Variants in H2AC8 observed in about 807,000 individuals in gnomAD.
H2AC8 encodes the protein H2A clustered histone 8, also known as histone H2A type 1-B/E.
H2AC8 carries 9 observed loss-of-function variants against 6.3 expected under a neutral mutation model. That is an observed-to-expected ratio of 1.43 (90% CI 0.86 to 2.49). H2AC8 has a LOEUF of 2.49. H2AC8 is among the 30% of genes most tolerant of loss of function. H2AC8 has a pLI of 0.00. For missense variants in H2AC8, 141 were observed against 177.5 expected (o/e 0.79, Z 1.17); for synonymous variants, 176 against 79.6 (o/e 2.21, Z -6.45).
chr6:26,217,190 C>A, exon 1 of H2AC8: 1 of 1,614,182 alleles, frequency 6.2e-7, no homozygotes. Flanking sequence ...ACGCGGCTCG[C>A]GACAATAAGA....
At chr6:26,217,145 A>G (rs762820945) in exon 1 of H2AC8, 2 of 1,614,192 alleles carry the variant, frequency 1.2e-6, no homozygotes, top group Non-Finnish European at 1.7e-6. Context: ...CGGTGCTGGA[A>G]TATCTGACGG....
exon 1 of H2AC8, chr6:26,217,351 A>C: frequency 6.2e-7 from 1 of 1,613,586 alleles, no homozygotes; most frequent in Non-Finnish European, 8.5e-7. Context: ...AGCCACCATA[A>C]GGCCAAGGGC....
chr6:26,216,999 G>A (rs1294410701), exon 1 of H2AC8: 11 of 1,614,036 alleles, frequency 6.8e-6, no homozygotes, highest in Non-Finnish European at 9.3e-6. Flanking sequence ...AAAGCAAGGC[G>A]GCAAAGCTCG....
upstream of H2AC8, chr6:26,216,937 C>A: frequency 6.2e-7 from 1 of 1,608,652 alleles, no homozygotes; most frequent in Non-Finnish European, 8.5e-7. Context: ...TTTCTTTATT[C>A]AGTGGATTGT....
upstream of H2AC8, chr6:26,216,970 C>G (rs372832934): frequency 2.0e-5 from 33 of 1,613,932 alleles, no homozygotes; most frequent in Non-Finnish European, 2.8e-5. Context: ...TGTTAGGAAG[C>G]CACTATGTCT....
At chr6:26,217,088 C>T (rs1284615058) in exon 1 of H2AC8, 8 of 1,614,186 alleles carry the variant, frequency 5.0e-6, no homozygotes, top group Non-Finnish European at 5.9e-6. Context: ...TCCGCAAAGG[C>T]AACTACTCCG....
exon 1 of H2AC8, chr6:26,217,408 G>C: frequency 6.3e-7 from 1 of 1,591,448 alleles, no homozygotes; most frequent in Non-Finnish European, 8.5e-7. Context: ...CCGAGTCCCA[G>C]AAACCAAAGG....
chr6:26,217,371 G>GAT, exon 1 of H2AC8: 1 of 1,610,902 alleles, frequency 6.2e-7, no homozygotes, highest in South Asian at 1.1e-5. Context: ...CAAGTGAAAT[G>GAT]ATTACTAGTC....
At chr6:26,217,095 T>A in exon 1 of H2AC8, 2 of 1,614,150 alleles carry the variant, frequency 1.2e-6, no homozygotes, top group Non-Finnish European at 1.7e-6. Context: ...AGGCAACTAC[T>A]CCGAACGAGT....
chr6:26,216,950 GTTC>G (rs1453184768), upstream of H2AC8: 34 of 1,613,088 alleles, frequency 2.1e-5, no homozygotes, highest in Middle Eastern at 1.6e-4. Flanking sequence ...TGGATTGTTA[GTTC>G]TTCTGCTGTT....
chr6:26,217,210 T>C (rs1335178917), exon 1 of H2AC8: 6 of 1,614,146 alleles, frequency 3.7e-6, no homozygotes, highest in Non-Finnish European at 5.1e-6. Flanking sequence ...AAGACCCGCA[T>C]CATCCCGCGC....
exon 1 of H2AC8, chr6:26,217,266 C>T (rs1440680789): frequency 4.3e-6 from 7 of 1,614,234 alleles, no homozygotes; most frequent in South Asian, 1.1e-5. Flanking sequence ...AAATAAGCTT[C>T]TAGGTCGCGT....
exon 1 of H2AC8, chr6:26,217,190 C>T: frequency 1.9e-6 from 3 of 1,614,182 alleles, no homozygotes; most frequent in Non-Finnish European, 2.5e-6. Context: ...ACGCGGCTCG[C>T]GACAATAAGA....
At position 26,217,304 on chromosome 6, in the gene H2AC8, C is replaced by G. The variant is rs16891432; in HGVS notation, c.330C>G (p.Pro110=). Residue 110 remains proline (P), a synonymous_variant, in exon 1 of 1, where the codon CCC becomes CCG. Coordinates refer to ENST00000303910, the Ensembl canonical transcript of H2AC8. Reference sequence around the variant, plus strand: ...CCATCGCGCAGGGCGGTGTCCTGCCCAACATCCAGGCCGTATTGCTGCCTA... The same window carrying G: ...CCATCGCGCAGGGCGGTGTCCTGCCGAACATCCAGGCCGTATTGCTGCCTA... 27 of 1,614,204 alleles carry G rather than the reference C, an allele frequency of 1.7e-5. No individual in the cohort carries two copies. In the East Asian group the frequency reaches 5.6e-4, roughly 33 times the overall value.
At chr6:26,216,924 C>G (rs775704466), upstream of H2AC8, 22 of 1,598,478 alleles carry the variant, frequency 1.4e-5, no homozygotes, top group Non-Finnish European at 1.8e-5. Flanking sequence ...CGAGCCCATT[C>G]TTTTTCTTTA....
At chr6:26,217,381 C>T (rs377426645) in exon 1 of H2AC8, 3 of 1,603,182 alleles carry the variant, frequency 1.9e-6, no homozygotes, top group Admixed American at 1.8e-5. Flanking sequence ...GATTACTAGT[C>T]AAATCCGTCA....
exon 1 of H2AC8, chr6:26,217,118 T>A (rs959845048): frequency 6.2e-7 from 1 of 1,613,900 alleles, no homozygotes; most frequent in Non-Finnish European, 8.5e-7. Flanking sequence ...GGGCCGGCGC[T>A]CCAGTGTACC....
chr6:26,217,384 A>C, exon 1 of H2AC8: 1 of 1,602,936 alleles, frequency 6.2e-7, no homozygotes, highest in South Asian at 1.1e-5. Flanking sequence ...TACTAGTCAA[A>C]TCCGTCAGTG....
upstream of H2AC8, chr6:26,216,969 G>T: frequency 6.2e-7 from 1 of 1,614,066 alleles, no homozygotes; most frequent in East Asian, 2.2e-5. Context: ...CTGTTAGGAA[G>T]CCACTATGTC....
Sources: gnomAD v4.1 joint callset for allele counts on GRCh38, gnomAD v4.1.1 for gene constraint, MANE v1.5 for transcripts, NCBI Gene and HGNC (gene_info 2026-07-23, HGNC 2026-07-21) for gene names.